PLEKHH2: variants seen among roughly 807,000 people sequenced by gnomAD.
PLEKHH2 encodes pleckstrin homology domain-containing family H member 2.
A neutral mutation model predicts 187.9 loss-of-function variants in PLEKHH2; 129 were observed. The observed-to-expected ratio is 0.69, with a 90% CI of 0.59 to 0.79. PLEKHH2 has a LOEUF of 0.79. Among genes scored for constraint, PLEKHH2 ranks in the 30% least tolerant of loss-of-function variants. PLEKHH2 has a pLI of 0.00. For synonymous variants in PLEKHH2, 686 were observed against 605.6 expected (o/e 1.13, Z -1.95); for missense variants, 2,076 against 1,751.2 (o/e 1.19, Z -3.31).
intron 2 of PLEKHH2, among the ~76,000 whole-genome samples, chr2:43,677,242 G>A (rs892433811): frequency 1.3e-5 from 2 of 150,728 alleles, no homozygotes; most frequent in Non-Finnish European, 2.9e-5. Flanking sequence ...GGTGTTTCTC[G>A]CAGAGGGGGA....
chr2:43,744,355 G>T (rs771602554), intron 23 of PLEKHH2, among the ~76,000 whole-genome samples: 1 of 152,142 alleles, frequency 6.6e-6, no homozygotes, highest in South Asian at 2.1e-4. Context: ...GGGCTGGCTG[G>T]ACTCTGTGGG....
chr2:43,698,613 G>A (rs372631116), intron 7 of PLEKHH2, among the ~76,000 whole-genome samples: 6 of 152,138 alleles, frequency 3.9e-5, no homozygotes, highest in Middle Eastern at 3.4e-3. Context: ...TCTAATAGTG[G>A]AGTACAGCTG....
intron 21 of PLEKHH2, among the ~76,000 whole-genome samples, 185 bp from the exon 22 acceptor site, chr2:43,742,556 C>A: frequency 6.6e-6 from 1 of 151,920 alleles, no homozygotes; most frequent in Non-Finnish European, 1.5e-5. Flanking sequence ...GAGGCAGTTA[C>A]AAAAATAAAG....
intron 2 of PLEKHH2, among the ~76,000 whole-genome samples, chr2:43,653,834 A>T (rs945707429): frequency 2.0e-5 from 3 of 152,234 alleles, no homozygotes; most frequent in Non-Finnish European, 4.4e-5. Context: ...CTAGGAAAAA[A>T]AAGACAGGAA....
At chr2:43,686,903 G>A (rs1276968621) in intron 3 of PLEKHH2, among the ~76,000 whole-genome samples, 2 of 152,088 alleles carry the variant, frequency 1.3e-5, no homozygotes, top group African/African-American at 4.8e-5. Flanking sequence ...AGTGTAGCAT[G>A]ACATGCAAAG....
chr2:43,742,750 T>C lies in PLEKHH2; in HGVS notation c.3231T>C (p.Phe1077=). The C allele has an allele frequency of 6.4e-7, 1 of 1,568,038 alleles. No individual in the cohort carries two copies. The highest frequency in any genetic ancestry group is 8.6e-7 in the Non-Finnish European group (1 of 1,161,094). Residue 1077 remains phenylalanine, a synonymous_variant, in exon 22 of 30, where the codon TTT becomes TTC. Transcript: ENST00000282406. ...LKRNADSRTE[F]GKYAIYCQRC... is the part of the protein sequence containing the mutation. Reference sequence around the variant, plus strand: ...AAGTTTTGTATTACAGGACAGAATTTGGAAAATATGCCATTTACTGCCAGC... The same window carrying C: ...AAGTTTTGTATTACAGGACAGAATTCGGAAAATATGCCATTTACTGCCAGC...
At chr2:43,646,702 A>G (rs1008356134) in intron 2 of PLEKHH2, among the ~76,000 whole-genome samples, 3 of 152,130 alleles carry the variant, frequency 2.0e-5, no homozygotes, top group Non-Finnish European at 4.4e-5. Flanking sequence ...CTTTTTTATT[A>G]TTAATTTTTA....
chr2:43,746,341 C>T (rs566654657), intron 24 of PLEKHH2, among the ~76,000 whole-genome samples: 4 of 152,254 alleles, frequency 2.6e-5, no homozygotes, highest in Non-Finnish European at 5.9e-5. Context: ...AAAACCCCGC[C>T]TCTACTAAAA....
chr2:43,716,104 C>T (rs1670197371), intron 15 of PLEKHH2, among the ~76,000 whole-genome samples: 1 of 151,966 alleles, frequency 6.6e-6, no homozygotes, highest in African/African-American at 2.4e-5. Flanking sequence ...ACTATCTATA[C>T]CTTTCAGTAT....
chr2:43,710,707 C>A, intron 14 of PLEKHH2, 132 bp downstream of exon 14: 2 of 1,444,746 alleles, frequency 1.4e-6, no homozygotes, highest in South Asian at 3.0e-5. Flanking sequence ...AGTTTGATGC[C>A]TTGGAAGTAT....
Position 43,712,266 on chromosome 2 carries a change from T to A in PLEKHH2, c.2343T>A (p.Ser781=). 3 of 1,613,686 alleles carry A rather than the reference T, an allele frequency of 1.9e-6. No individual in the cohort carries two copies. Among genetic ancestry groups the A allele is most frequent in the Non-Finnish European group, 2.5e-6 (3 of 1,179,560 alleles). ...ACACATACTATCTGACTGCAGATTC[T>A]CCCAATATATTGGAAGAGTGGATTA... The part of the protein sequence containing the change: ...EKHTYYLTAD[S]PNILEEWIKV... Residue 781 remains serine, a synonymous_variant, in exon 15 of 30, where the codon TCT becomes TCA. Transcript: ENST00000282406.
intron 4 of PLEKHH2, 81 bp downstream of exon 4, chr2:43,692,744 A>G: frequency 7.0e-6 from 10 of 1,435,028 alleles, no homozygotes; most frequent in Non-Finnish European, 9.6e-6. Flanking sequence ...AGAGAGCCTA[A>G]ATTTCTATAT....
chr2:43,698,512 G>A (rs1047299246), intron 7 of PLEKHH2, among the ~76,000 whole-genome samples: 1 of 152,124 alleles, frequency 6.6e-6, no homozygotes, highest in African/African-American at 2.4e-5. Context: ...CCTCCCAAAA[G>A]TGCTGGATTT....
intron 17 of PLEKHH2, among the ~76,000 whole-genome samples, chr2:43,726,823 A>G (rs141872369): frequency 6.6e-6 from 1 of 152,324 alleles, no homozygotes; most frequent in African/African-American, 2.4e-5. Context: ...TAATTATTTT[A>G]TGTATTATAT....
intron 3 of PLEKHH2, among the ~76,000 whole-genome samples, chr2:43,686,135 CCTT>C (rs1229290664): frequency 6.6e-6 from 1 of 151,806 alleles, no homozygotes; most frequent in Non-Finnish European, 1.5e-5. Context: ...TCTTCCTTCT[CCTT>C]CTTTTTCTTC....
chr2:43,645,008 C>T (rs906701930), intron 2 of PLEKHH2, among the ~76,000 whole-genome samples: 16 of 151,892 alleles, frequency 1.1e-4, no homozygotes, highest in African/African-American at 1.9e-4. Flanking sequence ...ATGTGAGAAC[C>T]GTGTATGTTT....
rs1672634848 is a variant in PLEKHH2 at position 43,766,723 on chromosome 2, G to A, written c.*1125G>A. The A allele has an allele frequency of 6.6e-6, 1 of 152,420 alleles. No homozygotes were observed. The highest frequency in any genetic ancestry group is 1.9e-4 in the East Asian group (1 of 5,186). 9.4% of individuals were successfully genotyped at this position (152,420 alleles called of 1,614,324 possible). On this transcript the variant is annotated 3_prime_UTR_variant, in exon 30 of 30. Coordinates refer to ENST00000282406, the MANE Select transcript of PLEKHH2 (RefSeq NM_172069.4). ...TCAAGCAATCCCACTTCAGCCTCTT[G>A]AATAGCTGGGACTAGAAGCATGCAC...
intron 4 of PLEKHH2, among the ~76,000 whole-genome samples, chr2:43,693,723 C>CAAAAAAAAAAAAAAAAAAAA (rs70965316): frequency 1.4e-5 from 1 of 69,674 alleles, no homozygotes; most frequent in Non-Finnish European, 2.5e-5. Context: ...GACTCCATCT[C>CAAAAAAAAAAAAAAAAAAAA]AAAAAAAAAA....
intron 7 of PLEKHH2, among the ~76,000 whole-genome samples, chr2:43,698,925 G>C (rs973679769): frequency 5.3e-5 from 8 of 152,278 alleles, no homozygotes; most frequent in Non-Finnish European, 1.0e-4. Context: ...ACCAAAAGTA[G>C]AGCAAGGAAA....
Sources: gnomAD v4.1 joint callset for allele counts (sites outside exome capture counted in the v4.1 genomes callset) on GRCh38, gnomAD v4.1.1 for gene constraint, MANE v1.5 for transcripts, NCBI Gene and HGNC (gene_info 2026-07-23, HGNC 2026-07-21) for gene names.